The following THSD7A variants were observed in gnomAD, a reference collection of about 807,000 sequenced individuals.
THSD7A encodes the protein thrombospondin type 1 domain containing 7A.
A neutral mutation model predicts 231.3 loss-of-function variants in THSD7A; 96 were observed. The observed-to-expected ratio is 0.41, with a 90% CI of 0.35 to 0.49. The LOEUF is 0.49. Among genes scored for constraint, THSD7A ranks in the 20% least tolerant of loss-of-function variants. THSD7A has a pLI of 0.05. For missense variants in THSD7A, 2,290 were observed against 2,070.2 expected, an observed-to-expected ratio of 1.11 and a Z score of -2.06; for synonymous variants, 940 against 743.3, an observed-to-expected ratio of 1.26 and a Z score of -4.30.
At chr7:11,628,693 G>C (rs888156780) in intron 2 of THSD7A, among the ~76,000 whole-genome samples, 1 of 152,234 alleles carries the variant, frequency 6.6e-6, no homozygotes, top group African/African-American at 2.4e-5. Flanking sequence ...CTAGTGCCCA[G>C]AATGTCTTGA....
At chr7:11,426,602 A>C (rs1299955558) in intron 15 of THSD7A, 64 bp downstream of exon 15, 2 of 1,468,864 alleles carry the variant, frequency 1.4e-6, no homozygotes, top group Non-Finnish European at 9.1e-7. Flanking sequence ...ATGTATTCTC[A>C]GAAATCAGGA....
chr7:11,494,931 T>C (rs1787038754), intron 6 of THSD7A, among the ~76,000 whole-genome samples: 1 of 152,132 alleles, frequency 6.6e-6, no homozygotes, highest in Non-Finnish European at 1.5e-5. Flanking sequence ...CTATGTAGCA[T>C]ATTAAAATTT....
At chr7:11,435,821 G>A (rs975241502) in intron 13 of THSD7A, among the ~76,000 whole-genome samples, 1 of 152,016 alleles carries the variant, frequency 6.6e-6, no homozygotes, top group Non-Finnish European at 1.5e-5. Flanking sequence ...TTTGCAGCCA[G>A]CTTGTGAGAA....
At chr7:11,580,168 A>G (rs10270782) in intron 4 of THSD7A, among the ~76,000 whole-genome samples, 10,891 of 152,262 alleles carry the variant, frequency 0.072, 781 homozygotes, top group African/African-American at 0.18. Context: ...ATCCTTATAA[A>G]AAACAGATTC....
At chr7:11,768,400 T>C (rs1231743365) in intron 1 of THSD7A, among the ~76,000 whole-genome samples, 48 of 152,276 alleles carry the variant, frequency 3.2e-4, no homozygotes, top group African/African-American at 2.4e-5. Flanking sequence ...TATATAACAA[T>C]TGGCATGCAA....
chr7:11,538,752 C>T (rs1389119627), intron 6 of THSD7A, among the ~76,000 whole-genome samples: 1 of 152,020 alleles, frequency 6.6e-6, no homozygotes, highest in East Asian at 1.9e-4. Context: ...CTCTTACATC[C>T]CTCTGTTTTC....
chr7:11,782,347 G>C (rs139541671), intron 1 of THSD7A, among the ~76,000 whole-genome samples: 1 of 152,022 alleles, frequency 6.6e-6, no homozygotes, highest in Non-Finnish European at 1.5e-5. Flanking sequence ...AATATTTTTC[G>C]AGATGGGCCT....
chr7:11,654,237 G>C (rs1266781415), intron 1 of THSD7A, among the ~76,000 whole-genome samples: 1 of 151,272 alleles, frequency 6.6e-6, no homozygotes, highest in African/African-American at 2.4e-5. Flanking sequence ...TTTTAGCTTA[G>C]AAACTATGGC....
chr7:11,773,970 C>T (rs1035010350), intron 1 of THSD7A, among the ~76,000 whole-genome samples: 2 of 152,010 alleles, frequency 1.3e-5, no homozygotes, highest in African/African-American at 4.8e-5. Flanking sequence ...TTATAAATAA[C>T]CCAAGTTTAC....
chr7:11,647,127 T>C (rs1782313693), intron 1 of THSD7A, among the ~76,000 whole-genome samples: 1 of 152,056 alleles, frequency 6.6e-6, no homozygotes. Flanking sequence ...ATATAATTTA[T>C]CCCTTGCACC....
chr7:11,721,733 T>C (rs1395291836), intron 1 of THSD7A, among the ~76,000 whole-genome samples: 1 of 151,906 alleles, frequency 6.6e-6, no homozygotes, highest in Non-Finnish European at 1.5e-5. Flanking sequence ...GTTGCCATAG[T>C]GATATTTCAA....
chr7:11,757,820 C>T (rs1316565647), intron 1 of THSD7A, among the ~76,000 whole-genome samples: 1 of 151,374 alleles, frequency 6.6e-6, no homozygotes, highest in Non-Finnish European at 1.5e-5. Context: ...GATAATTATT[C>T]TCTTACCCTC....
At chr7:11,709,473 T>G (rs1780879738) in intron 1 of THSD7A, among the ~76,000 whole-genome samples, 1 of 150,800 alleles carries the variant, frequency 6.6e-6, no homozygotes. Flanking sequence ...TTGAATCACT[T>G]ATGAATCAGG....
At chr7:11,745,377 T>C (rs925772472) in intron 1 of THSD7A, among the ~76,000 whole-genome samples, 2 of 152,112 alleles carry the variant, frequency 1.3e-5, no homozygotes, top group East Asian at 1.9e-4. Flanking sequence ...CAAAAATTTT[T>C]TTCCCATTTT....
intron 2 of THSD7A, among the ~76,000 whole-genome samples, chr7:11,595,382 G>T (rs1780323582): frequency 6.6e-6 from 1 of 152,082 alleles, no homozygotes; most frequent in Admixed American, 6.5e-5. Context: ...GATAGAGTCG[G>T]GTCAGGCTGA....
At chr7:11,395,328 C>G (rs1364918587) in intron 23 of THSD7A, among the ~76,000 whole-genome samples, 1 of 152,034 alleles carries the variant, frequency 6.6e-6, no homozygotes, top group Admixed American at 6.6e-5. Flanking sequence ...AAAGCAAGCC[C>G]TTAGAGACCT....
intron 2 of THSD7A, among the ~76,000 whole-genome samples, chr7:11,601,288 G>C (rs1285545168): frequency 6.6e-6 from 1 of 152,044 alleles, no homozygotes; most frequent in Non-Finnish European, 1.5e-5. Context: ...ATGACTATTG[G>C]TTGACTGCCT....
chr7:11,633,729 T>C (rs1295795966), intron 2 of THSD7A, among the ~76,000 whole-genome samples: 2 of 152,180 alleles, frequency 1.3e-5, no homozygotes, highest in African/African-American at 2.4e-5. Flanking sequence ...TTTTGGTCTA[T>C]TGGAAAGTGG....
intron 4 of THSD7A, among the ~76,000 whole-genome samples, chr7:11,554,385 G>C (rs1789757074): frequency 6.6e-6 from 1 of 152,010 alleles, no homozygotes; most frequent in South Asian, 2.1e-4. Context: ...TAGACCATTT[G>C]TTCCAGTGTT....
Sources: gnomAD v4.1 joint callset for allele counts (sites outside exome capture counted in the v4.1 genomes callset) on GRCh38, gnomAD v4.1.1 for gene constraint, MANE v1.5 for transcripts, NCBI Gene and HGNC (gene_info 2026-07-23, HGNC 2026-07-21) for gene names.